The following DCN variants were observed in gnomAD, a reference collection of about 807,000 sequenced individuals.
The protein encoded by DCN is bone proteoglycan II.
Under a neutral mutation model 36.5 loss-of-function variants are expected in DCN, and 17 were observed. That is an observed-to-expected ratio of 0.47 (90% confidence interval 0.32 to 0.70). The LOEUF (loss-of-function observed/expected upper bound fraction) is 0.70, where lower values mean the gene tolerates loss of function less well. DCN is among the 30% of genes least tolerant of loss of function. The pLI, the probability that DCN is intolerant of heterozygous loss-of-function variation, is 0.04. For missense variants in DCN, 389 were observed against 430.1 expected (o/e 0.90, Z 0.84); for synonymous variants, 163 against 161.4 (o/e 1.01, Z -0.07).
intron 2 of DCN, chr12:91,176,682 A>T (rs553862116): frequency 5.5e-4 from 83 of 152,264 alleles, no homozygotes; most frequent in African/African-American, 2.0e-3. Context: ...TGACTGGCCA[A>T]CTCTTCTTTC....
At chr12:91,155,197 G>A (rs1389487961) in intron 5 of DCN, among the ~76,000 whole-genome samples, 4 of 152,088 alleles carry the variant, frequency 2.6e-5, no homozygotes, top group East Asian at 1.9e-4. Flanking sequence ...CATCTCTGCC[G>A]CTTCCTAGCT....
chr12:91,182,241 C>G (rs1302863994), intron 1 of DCN, among the ~76,000 whole-genome samples: 1 of 151,974 alleles, frequency 6.6e-6, no homozygotes, highest in East Asian at 1.9e-4. Context: ...TTTAAAAGTC[C>G]TTAAAGCAAT....
At chr12:91,171,142 G>A (rs1013346) in intron 2 of DCN, among the ~76,000 whole-genome samples, 56,845 of 151,842 alleles carry the variant, frequency 0.37, 12,816 homozygotes, top group African/African-American at 0.63. Context: ...AGTCATTAAG[G>A]TACGACTTAA....
intron 5 of DCN, among the ~76,000 whole-genome samples, chr12:91,154,812 C>T (rs904568166): frequency 4.6e-5 from 7 of 151,992 alleles, no homozygotes; most frequent in African/African-American, 1.7e-4. Context: ...TAGAGTAATC[C>T]TCACAATAAT....
intron 7 of DCN, among the ~76,000 whole-genome samples, chr12:91,147,091 T>C (rs1020052821): frequency 2.0e-5 from 3 of 152,192 alleles, no homozygotes; most frequent in Admixed American, 2.0e-4. Flanking sequence ...TGGTTTCCAA[T>C]CTCATGCAGA....
At chr12:91,163,514 C>T (rs1018497304) in intron 3 of DCN, among the ~76,000 whole-genome samples, 1 of 152,138 alleles carries the variant, frequency 6.6e-6, no homozygotes, top group African/African-American at 2.4e-5. Context: ...GGACTGGGTG[C>T]TTCACAGTGC....
chr12:91,164,531 G>C (rs1882410097), intron 3 of DCN, 74 bp downstream of exon 3: 4 of 790,152 alleles, frequency 5.1e-6, no homozygotes, highest in African/African-American at 1.7e-5. Context: ...AGTACTCTTG[G>C]CCTTATCTAG....
At chr12:91,149,603 G>T (rs1045291418) in intron 7 of DCN, among the ~76,000 whole-genome samples, 1 of 152,142 alleles carries the variant, frequency 6.6e-6, no homozygotes, top group Admixed American at 6.5e-5. Flanking sequence ...CCAATGCAAA[G>T]GGTGGGTTGT....
At chr12:91,175,666 G>A (rs1883246736) in intron 2 of DCN, 1 of 152,072 alleles carries the variant, frequency 6.6e-6, no homozygotes, top group Non-Finnish European at 1.5e-5. Flanking sequence ...TTAAGTGTCT[G>A]CCAAGGATAA....
At chr12:91,161,126 G>A (rs1802116263) in intron 3 of DCN, among the ~76,000 whole-genome samples, 2 of 152,186 alleles carry the variant, frequency 1.3e-5, no homozygotes, top group Non-Finnish European at 2.9e-5. Flanking sequence ...CTGAATGGTT[G>A]AAGGCTCTAA....
chr12:91,164,054 G>A (rs1007796362), intron 3 of DCN, among the ~76,000 whole-genome samples: 2 of 152,136 alleles, frequency 1.3e-5, no homozygotes, highest in Non-Finnish European at 2.9e-5. Context: ...TAAATTGTTA[G>A]TGGTTAATAA....
At position 91,162,962 on chromosome 12, in the gene DCN, G is replaced by C. The variant is rs188384747; in HGVS notation, c.324+1643C>G. Among the ~76,000 whole-genome samples, 5 of 152,162 alleles carry C rather than the reference G, an allele frequency of 3.3e-5. No homozygotes were observed. In the East Asian group the frequency reaches 9.6e-4, roughly 29 times the overall value. ...TTATCTCCATGGTCATCCTTCTCTA[G>C]ATGTTCTTGAATGCCTTTCTTAAAA... On this transcript the variant is annotated intron_variant, in intron 3 of 7. Transcript: ENST00000052754.
intron 2 of DCN, among the ~76,000 whole-genome samples, chr12:91,165,014 T>A (rs539596082): frequency 6.6e-6 from 1 of 152,328 alleles, no homozygotes; most frequent in African/African-American, 2.4e-5. Context: ...CTCAAATCTA[T>A]ATGTTTTACC....
intron 3 of DCN, among the ~76,000 whole-genome samples, chr12:91,159,755 CT>C (rs1389006911): frequency 3.3e-5 from 5 of 151,598 alleles, no homozygotes; most frequent in African/African-American, 1.2e-4. Context: ...CTATTTTATT[CT>C]TTTTCAATTA....
intron 3 of DCN, among the ~76,000 whole-genome samples, chr12:91,159,513 G>A (rs1353069791): frequency 1.3e-5 from 2 of 151,646 alleles, no homozygotes; most frequent in African/African-American, 4.8e-5. Flanking sequence ...TTTTAATATA[G>A]GTTAATAATT....
chr12:91,140,787 T>C lies in DCN; in HGVS notation c.*5271A>G, dbSNP rs929855089. On this transcript the variant is annotated 3_prime_UTR_variant, in exon 8 of 8. Transcript: ENST00000052754. Reference sequence around the variant, plus strand: ...AAAGAACAGATTCAAAACCAGATATTTGATTCTCAGTTCTTCCAGCTCAAC... The same window carrying C: ...AAAGAACAGATTCAAAACCAGATATCTGATTCTCAGTTCTTCCAGCTCAAC... 1.3e-5 allele frequency: 2 copies of C among 152,322 alleles called. No homozygotes were observed. The highest frequency in any genetic ancestry group is 3.4e-3 in the Middle Eastern group (1 of 294). 9.4% of individuals were successfully genotyped at this position (152,322 alleles called of 1,614,324 possible). A position where few individuals can be genotyped will look rare whatever the true frequency, so the allele number is the denominator to read the frequency against.
chr12:91,159,910 G>A (rs898370338), intron 3 of DCN, among the ~76,000 whole-genome samples: 1 of 151,860 alleles, frequency 6.6e-6, no homozygotes, highest in Admixed American at 6.6e-5. Flanking sequence ...AATGTGGAGG[G>A]GCAAAAGGGG....
intron 7 of DCN, among the ~76,000 whole-genome samples, chr12:91,150,266 G>A (rs936940953): frequency 9.2e-5 from 14 of 152,062 alleles, no homozygotes; most frequent in African/African-American, 2.7e-4. Context: ...ATTTATGATC[G>A]AGTGATTTTC....
chr12:91,145,904 A>T lies in DCN; in HGVS notation c.*154T>A. The T allele has an allele frequency of 1.5e-6, 1 of 655,350 alleles. No homozygotes were observed. Among genetic ancestry groups the T allele is most frequent in the Non-Finnish European group, 2.6e-6 (1 of 379,524 alleles). The allele number at this position is 655,350 out of a possible 1,614,324, so 40.6% of individuals were successfully genotyped here. ...AAATTTCTTTTTATTGTAGGCAATT[A>T]CTTAAACTGGAAATTTGGCTTTATG... On this transcript the variant is annotated 3_prime_UTR_variant, in exon 8 of 8. Transcript: ENST00000052754.
Sources: gnomAD v4.1 joint callset for allele counts (sites outside exome capture counted in the v4.1 genomes callset) on GRCh38, gnomAD v4.1.1 for gene constraint, MANE v1.5 for transcripts, NCBI Gene and HGNC (gene_info 2026-07-23, HGNC 2026-07-21) for gene names.